Variants in TP63 observed in about 807,000 individuals in gnomAD.
TP63 encodes the protein tumor protein 63.
A neutral mutation model predicts 82.8 loss-of-function variants in TP63; 17 were observed. The ratio of observed to expected loss-of-function variants is 0.21; its 90% confidence interval spans 0.14 to 0.31. The LOEUF is 0.31. TP63 is among the 10% of genes least tolerant of loss of function. The probability of loss-of-function intolerance (pLI) is 1.00; values close to 1 mark genes in which losing one functional copy is unlikely to be tolerated. For synonymous variants in TP63, 330 were observed against 321.7 expected (o/e 1.03, Z -0.28); for missense variants, 648 against 895.3 (o/e 0.72, Z 3.52).
At chr3:189,701,941 A>G (rs1560120720) in intron 1 of TP63, among the ~76,000 whole-genome samples, 1 of 152,190 alleles carries the variant, frequency 6.6e-6, no homozygotes, top group Admixed American at 6.5e-5. Flanking sequence ...TGAACACCAC[A>G]TACACAATTT....
At chr3:189,803,285 T>G (rs993493045) in intron 3 of TP63, among the ~76,000 whole-genome samples, 6 of 152,020 alleles carry the variant, frequency 3.9e-5, no homozygotes, top group Non-Finnish European at 5.9e-5. Flanking sequence ...GCAACAAGAG[T>G]GAAACTCCAT....
intron 3 of TP63, among the ~76,000 whole-genome samples, chr3:189,771,600 C>T (rs1723380702): frequency 6.7e-6 from 1 of 150,084 alleles, no homozygotes; most frequent in African/African-American, 2.5e-5. Flanking sequence ...TCATGATTGC[C>T]TTCCTGTTAA....
At chr3:189,618,481 C>T in the TP63 span, among the ~76,000 whole-genome samples, 1 of 152,316 alleles carries the variant, frequency 6.6e-6, no homozygotes, top group Admixed American at 6.5e-5. Context: ...GTCAAGCCCC[C>T]TGGCTGTGAC....
At chr3:189,625,280 T>A in the TP63 span, among the ~76,000 whole-genome samples, 152 of 152,214 alleles carry the variant, frequency 1.0e-3, 2 homozygotes, top group Middle Eastern at 6.8e-3. Flanking sequence ...AGAGAGCAAT[T>A]CCTGATATGA....
At chr3:189,786,455 ACAC>A (rs1724608863) in intron 3 of TP63, among the ~76,000 whole-genome samples, 1 of 134,924 alleles carries the variant, frequency 7.4e-6, no homozygotes, top group Non-Finnish European at 1.5e-5. Flanking sequence ...AAACACACAC[ACAC>A]ACACACACAC....
chr3:189,800,636 G>T (rs1260748391), intron 3 of TP63, among the ~76,000 whole-genome samples: 1 of 152,080 alleles, frequency 6.6e-6, no homozygotes, highest in Non-Finnish European at 1.5e-5. Flanking sequence ...AGATTTACTG[G>T]TTCGACATCC....
chr3:189,667,291 C>T (rs1378708796), intron 1 of TP63, among the ~76,000 whole-genome samples: 1 of 151,044 alleles, frequency 6.6e-6, no homozygotes, highest in African/African-American at 2.4e-5. Flanking sequence ...TCTCCTGCCT[C>T]AGCCTCCCGA....
At chr3:189,718,232 T>A (rs1382637820) in intron 1 of TP63, among the ~76,000 whole-genome samples, 1 of 151,996 alleles carries the variant, frequency 6.6e-6, no homozygotes, top group East Asian at 1.9e-4. Flanking sequence ...TGTGTTTATT[T>A]TGGAAAGAAT....
intron 3 of TP63, among the ~76,000 whole-genome samples, chr3:189,747,734 A>G (rs1057370646): frequency 6.6e-6 from 1 of 152,098 alleles, no homozygotes; most frequent in Non-Finnish European, 1.5e-5. Flanking sequence ...AGTAAAAATC[A>G]GAGCAGAACT....
intron 11 of TP63, among the ~76,000 whole-genome samples, chr3:189,887,916 G>A (rs1720630486): frequency 6.6e-6 from 1 of 150,992 alleles, no homozygotes; most frequent in African/African-American, 2.4e-5. Context: ...GAGTGCAATG[G>A]CGCAATCTCG....
At chr3:189,631,618 G>T (rs1729463136) in intron 1 of TP63, 41 bp downstream of exon 1, 1 of 1,611,868 alleles carries the variant, frequency 6.2e-7, no homozygotes, top group Non-Finnish European at 8.5e-7. Context: ...AAACTTAATT[G>T]AAGTGCCTTG....
intron 3 of TP63, among the ~76,000 whole-genome samples, chr3:189,780,602 C>T (rs1196979930): frequency 6.6e-6 from 1 of 152,050 alleles, no homozygotes; most frequent in Non-Finnish European, 1.5e-5. Flanking sequence ...GTTTTTATGT[C>T]TTTATTATTG....
At chr3:189,614,155 A>G in the TP63 span, among the ~76,000 whole-genome samples, 2 of 152,156 alleles carry the variant, frequency 1.3e-5, no homozygotes, top group African/African-American at 2.4e-5. Context: ...TCAAATCTCA[A>G]CTTGAATTGC....
intron 4 of TP63, among the ~76,000 whole-genome samples, chr3:189,848,272 T>TCTCTCTCTCTCTCTCTCTCTCTCTC (rs1279828077): frequency 1.7e-4 from 26 of 148,670 alleles, no homozygotes; most frequent in African/African-American, 4.2e-4. Context: ...TCTCTCTCTG[T>TCTCTCTCTCTCTCTCTCTCTCTCTC]TGCCTAGGCT....
intron 1 of TP63, among the ~76,000 whole-genome samples, chr3:189,691,395 T>C (rs1039443599): frequency 6.7e-6 from 1 of 150,164 alleles, no homozygotes; most frequent in African/African-American, 2.4e-5. Flanking sequence ...GGTAATTGAC[T>C]GTGTATGGCA....
At chr3:189,752,690 T>C (rs913133514) in intron 3 of TP63, among the ~76,000 whole-genome samples, 1 of 152,112 alleles carries the variant, frequency 6.6e-6, no homozygotes, top group Non-Finnish European at 1.5e-5. Flanking sequence ...ATTTGCTTTC[T>C]TTTTCTTTGG....
intron 4 of TP63, among the ~76,000 whole-genome samples, chr3:189,813,369 G>T (rs1727790056): frequency 6.6e-6 from 1 of 152,150 alleles, no homozygotes; most frequent in Non-Finnish European, 1.5e-5. Context: ...GAAAAAGAAA[G>T]CTTTCTGTGG....
chr3:189,856,194 A>C (rs993711766), intron 4 of TP63, among the ~76,000 whole-genome samples: 1 of 151,390 alleles, frequency 6.6e-6, no homozygotes, highest in Admixed American at 6.6e-5. Flanking sequence ...GAAATGTGTA[A>C]AGGAGAAAAT....
intron 1 of TP63, among the ~76,000 whole-genome samples, chr3:189,669,818 A>G (rs900049489): frequency 1.3e-5 from 2 of 152,064 alleles, no homozygotes; most frequent in African/African-American, 2.4e-5. Flanking sequence ...AAATAAAACA[A>G]AAGTATATGA....
Sources: allele counts gnomAD v4.1 joint callset (sites outside exome capture counted in the v4.1 genomes callset), GRCh38; gene constraint gnomAD v4.1.1; transcripts MANE v1.5; gene names NCBI Gene and HGNC (gene_info 2026-07-23, HGNC 2026-07-21).